NEK5: variants seen among roughly 807,000 people sequenced by gnomAD.
NEK5 encodes the protein serine/threonine-protein kinase Nek5.
A neutral mutation model predicts 109.2 loss-of-function variants in NEK5; 88 were observed. The ratio of observed to expected loss-of-function variants is 0.81; its 90% CI spans 0.68 to 0.96. NEK5 has a LOEUF of 0.96. Among genes scored for constraint, NEK5 ranks in the 40% least tolerant of loss-of-function variants. The pLI is 0.00. For synonymous variants in NEK5, 283 were observed against 299.9 expected (o/e 0.94, Z 0.58); for missense variants, 834 against 920.7 (o/e 0.91, Z 1.22).
intron 22 of NEK5, among the ~76,000 whole-genome samples, chr13:52,051,931 A>G (rs1308738617): frequency 6.6e-6 from 1 of 152,172 alleles, no homozygotes; most frequent in East Asian, 1.9e-4. Context: ...TCCTCTGCTC[A>G]CCTGAGACAA....
rs746094328 is a variant in NEK5 at position 52,072,060 on chromosome 13, A to G, written c.1733T>C (p.Ile578Thr). The G allele has an allele frequency of 6.2e-6, 10 of 1,611,134 alleles. No homozygotes were observed. In the East Asian group the frequency reaches 2.2e-4, roughly 36 times the overall value. The change falls in exon 20 of 24, where the codon ATA (isoleucine) becomes ACA (threonine). Residue 578 changes from isoleucine (I) to threonine (T), a missense_variant. By Grantham distance (89) the Ile-to-Thr change is moderately conservative. This residue lies in a region of NEK5 where 777 missense variants were observed against 824.7 expected (regional missense o/e 0.94). Transcript: ENST00000684899. The part of the protein sequence containing the change: ...NILQEEEAMD[I>T]PNETLTFEDG... ...CTCAAAGGTCAAAGTTTCATTTGGT[A>G]TATCCATTGCCTAAATCAATTCCAC... is the stretch of plus-strand genomic sequence containing the variant.
Position 52,110,630 on chromosome 13 carries a change from T to C in NEK5, c.313-53A>G, listed in dbSNP as rs1955740304. 5.7e-5 allele frequency: 61 copies of C among 1,061,364 alleles called. 1 individual carries two copies. The South Asian group carries it at 5.8e-4, about 10-fold the overall frequency. The allele number at this position is 1,061,364 out of a possible 1,614,324, so 65.7% of individuals were successfully genotyped here. A position where few individuals can be genotyped will look rare whatever the true frequency, so the allele number is the denominator to read the frequency against. On this transcript the variant is annotated intron_variant, in intron 5 of 23. Coordinates refer to ENST00000684899, the MANE Select transcript of NEK5 (RefSeq NM_001365552.1). ...CTGAATAGCCTGGTAGTCACTGAAA[T>C]GTCTTCATGGTAACATGCAAAAAGA...
intron 22 of NEK5, among the ~76,000 whole-genome samples, chr13:52,054,826 A>C (rs1392967236): frequency 6.6e-6 from 1 of 152,232 alleles, no homozygotes; most frequent in Non-Finnish European, 1.5e-5. Flanking sequence ...GACCAAAAGT[A>C]GATAAAACCA....
intron 23 of NEK5, among the ~76,000 whole-genome samples, chr13:52,045,268 G>A (rs1415798117): frequency 1.3e-5 from 2 of 149,790 alleles, no homozygotes; most frequent in African/African-American, 2.4e-5. Flanking sequence ...TAGCTGGGAC[G>A]ACAGGCACCT....
intron 22 of NEK5, among the ~76,000 whole-genome samples, chr13:52,061,187 A>G (rs1207071709): frequency 6.6e-6 from 1 of 152,204 alleles, no homozygotes; most frequent in Non-Finnish European, 1.5e-5. Context: ...TCTCATAAGG[A>G]GCACACAGCG....
intron 11 of NEK5, among the ~76,000 whole-genome samples, chr13:52,100,953 C>T (rs1955515735): frequency 6.6e-6 from 1 of 152,186 alleles, no homozygotes; most frequent in Non-Finnish European, 1.5e-5. Flanking sequence ...AGGCTTTCTG[C>T]TCCTCCTGAT....
chr13:52,101,052 C>T (rs955698379), intron 11 of NEK5, among the ~76,000 whole-genome samples: 2 of 152,164 alleles, frequency 1.3e-5, no homozygotes, highest in East Asian at 1.9e-4. Context: ...TCTTTCTTAA[C>T]GTACCCCTCC....
At chr13:52,054,126 G>A (rs1388590044) in intron 22 of NEK5, among the ~76,000 whole-genome samples, 1 of 152,168 alleles carries the variant, frequency 6.6e-6, no homozygotes, top group Non-Finnish European at 1.5e-5. Flanking sequence ...AATGAAAGCA[G>A]CAGTGTCATT....
At chr13:52,101,401 GAAAA>G (rs59572240) in intron 11 of NEK5, among the ~76,000 whole-genome samples, 1 of 142,874 alleles carries the variant, frequency 7.0e-6, no homozygotes, top group Non-Finnish European at 1.5e-5. Flanking sequence ...CTCCGTCTCG[GAAAA>G]AAAAAAAAGT....
intron 4 of NEK5, among the ~76,000 whole-genome samples, chr13:52,116,056 C>A (rs1013823449): frequency 6.6e-6 from 1 of 151,600 alleles, no homozygotes; most frequent in African/African-American, 2.4e-5. Flanking sequence ...GGGGTACATG[C>A]CTGTAGTCCC....
intron 14 of NEK5, 83 bp from the exon 15 acceptor site, chr13:52,087,537 A>G: frequency 7.1e-6 from 5 of 708,158 alleles, no homozygotes; most frequent in Non-Finnish European, 1.2e-5. Flanking sequence ...TTTCCTATAA[A>G]TAAGAATTAT....
intron 16 of NEK5, among the ~76,000 whole-genome samples, chr13:52,085,208 TAGG>T (rs891196886): frequency 6.6e-6 from 1 of 152,116 alleles, no homozygotes; most frequent in African/African-American, 2.4e-5. Flanking sequence ...GTTTTGTAAA[TAGG>T]AGTTCCCCTA....
At chr13:52,076,240 C>A (rs771738276) in intron 17 of NEK5, 97 bp from the exon 18 acceptor site, 29 of 676,322 alleles carry the variant, frequency 4.3e-5, no homozygotes, top group Non-Finnish European at 7.0e-5. Context: ...CAAAAACAAG[C>A]TTTTATAATG....
chr13:52,074,297 G>C (rs544891342), intron 19 of NEK5, among the ~76,000 whole-genome samples: 198 of 152,148 alleles, frequency 1.3e-3, no homozygotes, highest in Admixed American at 3.1e-3. Context: ...ATAAACCAAG[G>C]AACAGAATAG....
rs573701098 is a variant in NEK5 at position 52,093,388 on chromosome 13, C to T, written c.1027-153G>A. 2.6e-5 allele frequency among the ~76,000 whole-genome samples: 4 copies of T among 152,152 alleles called. No homozygotes were observed. In the South Asian group the frequency reaches 8.3e-4, roughly 32 times the overall value. ...CAGCCTGGCCAACATGGCAAAACCT[C>T]GTCTGTACTAAAAATACAAAAATTA... On this transcript the variant is annotated intron_variant, in intron 12 of 23. Coordinates refer to ENST00000684899, the MANE Select transcript of NEK5 (RefSeq NM_001365552.1).
At chr13:52,091,226 A>C (rs1955276887) in intron 13 of NEK5, among the ~76,000 whole-genome samples, 1 of 151,626 alleles carries the variant, frequency 6.6e-6, no homozygotes, top group Non-Finnish European at 1.5e-5. Flanking sequence ...AATAATTGAT[A>C]GCTTGACAGC....
At chr13:52,095,437 A>G (rs528691984) in intron 12 of NEK5, among the ~76,000 whole-genome samples, 1 of 152,350 alleles carries the variant, frequency 6.6e-6, no homozygotes, top group East Asian at 1.9e-4. Flanking sequence ...TTCCTGTGGA[A>G]ATCAATTTTA....
chr13:52,127,135 T>C (rs1956078987), intron 3 of NEK5, among the ~76,000 whole-genome samples: 1 of 152,214 alleles, frequency 6.6e-6, no homozygotes, highest in African/African-American at 2.4e-5. Context: ...CCTCCCACCT[T>C]GGCCATCCAA....
rs1954585957 is a variant in NEK5, at chr13:52,058,865, G to A, written c.2110+2954C>T. Among the ~76,000 whole-genome samples the A allele has an allele frequency of 2.6e-5, 4 of 152,102 alleles. No individual in the cohort carries two copies. The South Asian group carries it at 6.2e-4, about 24-fold the overall frequency. The stretch of plus-strand genomic sequence containing the variant: ...CATAAAAACCATAGAAGAAAACCTA[G>A]GCTTTACCATTCAGGACATAGGCAT... On this transcript the variant is annotated intron_variant, in intron 22 of 23. Coordinates refer to ENST00000684899, the MANE Select transcript of NEK5 (RefSeq NM_001365552.1).
Sources: allele counts gnomAD v4.1 joint callset (sites outside exome capture counted in the v4.1 genomes callset), GRCh38; gene constraint gnomAD v4.1.1; regional missense constraint gnomAD v4.1.1; transcripts MANE v1.5; gene names NCBI Gene and HGNC (gene_info 2026-07-23, HGNC 2026-07-21).